Variants in PDE4D observed in about 807,000 individuals in gnomAD.
PDE4D encodes 3',5'-cyclic-AMP phosphodiesterase 4D.
A neutral mutation model predicts 87.4 loss-of-function variants in PDE4D; 24 were observed. That is an observed-to-expected ratio of 0.27 (90% CI 0.20 to 0.39). The LOEUF (loss-of-function observed/expected upper bound fraction) is 0.39. Among genes scored for constraint, PDE4D ranks in the 10% least tolerant of loss-of-function variants. The pLI is 1.00. For missense variants in PDE4D, 714 were observed against 1,041.0 expected, an observed-to-expected ratio of 0.69 and a Z score of 4.32; for synonymous variants, 384 against 383.2, an observed-to-expected ratio of 1.00 and a Z score of -0.02.
chr5:59,710,821 G>T (rs1434877704), intron 1 of PDE4D, among the ~76,000 whole-genome samples: 3 of 152,052 alleles, frequency 2.0e-5, no homozygotes, highest in African/African-American at 7.2e-5. Context: ...TAAAGAATAG[G>T]GTTAACCAAT....
intron 2 of PDE4D, among the ~76,000 whole-genome samples, chr5:60,133,695 A>G (rs1287017156): frequency 6.6e-6 from 1 of 152,198 alleles, no homozygotes; most frequent in Non-Finnish European, 1.5e-5. Context: ...GTTTCCATTA[A>G]CAGGTAGATC....
At chr5:59,768,653 C>T (rs1218079226) in intron 1 of PDE4D, 1 of 1,507,776 alleles carries the variant, frequency 6.6e-7, no homozygotes, top group Non-Finnish European at 8.8e-7. Context: ...TCTGTAGAGC[C>T]TGGGGCTGGG....
chr5:59,392,060 AT>A (rs370958033), intron 1 of PDE4D, among the ~76,000 whole-genome samples: 12 of 150,144 alleles, frequency 8.0e-5, no homozygotes, highest in East Asian at 1.9e-4. Context: ...TCACTGCTGT[AT>A]TTTTTTTTAC....
At chr5:59,273,550 C>T (rs1019462446) in intron 1 of PDE4D, among the ~76,000 whole-genome samples, 1 of 151,136 alleles carries the variant, frequency 6.6e-6, no homozygotes. Flanking sequence ...AGTGATATAC[C>T]CAAGCGGTTA....
intron 1 of PDE4D, among the ~76,000 whole-genome samples, chr5:60,481,176 T>C (rs955065450): frequency 5.9e-5 from 9 of 152,166 alleles, no homozygotes; most frequent in Admixed American, 2.0e-4. Context: ...GCTGAGTTTA[T>C]TATTGGCTTA....
At chr5:59,587,963 T>C (rs1315262749) in intron 1 of PDE4D, among the ~76,000 whole-genome samples, 1 of 151,976 alleles carries the variant, frequency 6.6e-6, no homozygotes, top group African/African-American at 2.4e-5. Flanking sequence ...AGAGATAATT[T>C]GCAAATGATA....
At chr5:59,144,167 T>C (rs901948777) in intron 5 of PDE4D, among the ~76,000 whole-genome samples, 1 of 152,224 alleles carries the variant, frequency 6.6e-6, no homozygotes, top group Non-Finnish European at 1.5e-5. Flanking sequence ...AAAAGAATTA[T>C]CTGTCCTTAA....
At position 58,971,460 on chromosome 5, in the gene PDE4D, T is replaced by C. The variant is rs993068775; in HGVS notation, c.*3204A>G. 2.0e-5 allele frequency: 3 copies of C among 152,582 alleles called. No homozygotes were observed. Among genetic ancestry groups the C allele is most frequent in the African/African-American group, 7.2e-5 (3 of 41,448 alleles). 9.5% of individuals were successfully genotyped at this position (152,582 alleles called of 1,614,324 possible). A position where few individuals can be genotyped will look rare whatever the true frequency, so the allele number is the denominator to read the frequency against. On this transcript the variant is annotated 3_prime_UTR_variant, in exon 15 of 15. Coordinates refer to ENST00000340635, the MANE Select transcript of PDE4D (RefSeq NM_001104631.2). ...TACAATTAACATTACAGTATGTACATTGCAATAAATACATGGTTGTAAACA... is the reference window on the plus strand; with the variant it reads ...TACAATTAACATTACAGTATGTACACTGCAATAAATACATGGTTGTAAACA...
At chr5:60,125,584 G>A (rs1037202575) in intron 2 of PDE4D, among the ~76,000 whole-genome samples, 2 of 151,990 alleles carry the variant, frequency 1.3e-5, no homozygotes, top group Non-Finnish European at 2.9e-5. Context: ...AGACCCAAGC[G>A]GGGAGACAAA....
rs116574847 is a variant in PDE4D, at chr5:59,564,494, A to G, written c.455+328674T>C. On this transcript the variant is annotated intron_variant, in intron 1 of 14. Coordinates refer to ENST00000340635, the MANE Select transcript of PDE4D (RefSeq NM_001104631.2). Reference sequence around the variant, plus strand: ...AATAATTTTGTCCAAACACGAGTGGAAGAAAAAATTAAGAGACACCCGGAT... The same window carrying G: ...AATAATTTTGTCCAAACACGAGTGGGAGAAAAAATTAAGAGACACCCGGAT... Among the ~76,000 whole-genome samples the G allele has an allele frequency of 8.5e-3, 1,292 of 152,296 alleles. 15 individuals are homozygous for G. The highest frequency in any genetic ancestry group is 0.043 in the East Asian group (221 of 5,178).
At chr5:59,116,180 T>A (rs1773580635) in intron 5 of PDE4D, among the ~76,000 whole-genome samples, 2 of 152,188 alleles carry the variant, frequency 1.3e-5, no homozygotes, top group Admixed American at 1.3e-4. Flanking sequence ...TGAACCACAT[T>A]ATAATGTTTT....
intron 1 of PDE4D, among the ~76,000 whole-genome samples, chr5:59,311,604 A>T (rs1772666457): frequency 6.6e-6 from 1 of 151,882 alleles, no homozygotes; most frequent in African/African-American, 2.4e-5. Flanking sequence ...GCAGATAGAT[A>T]ACGGTGTCTC....
At chr5:59,111,033 A>G (rs540229086) in intron 5 of PDE4D, among the ~76,000 whole-genome samples, 1 of 152,284 alleles carries the variant, frequency 6.6e-6, no homozygotes, top group South Asian at 2.1e-4. Flanking sequence ...GATTTGAACT[A>G]TGTCAAAAAG....
At chr5:60,459,362 C>G (rs1234801539) in intron 1 of PDE4D, among the ~76,000 whole-genome samples, 1 of 152,094 alleles carries the variant, frequency 6.6e-6, no homozygotes, top group East Asian at 1.9e-4. Context: ...CTTTGCTGAC[C>G]TTCTATAATC....
chr5:60,043,089 GAGA>G (rs146759836), intron 2 of PDE4D, among the ~76,000 whole-genome samples: 3,392 of 151,548 alleles, frequency 0.022, 52 homozygotes, highest in Admixed American at 0.042. Context: ...AATCAGTTTA[GAGA>G]AGAATATAAA....
At chr5:59,366,828 A>T (rs145391015) in intron 1 of PDE4D, among the ~76,000 whole-genome samples, 181 of 152,352 alleles carry the variant, frequency 1.2e-3, no homozygotes, top group African/African-American at 4.2e-3. Flanking sequence ...TGATGTGCCT[A>T]GTGTAAAAGT....
intron 2 of PDE4D, among the ~76,000 whole-genome samples, chr5:60,016,051 G>C (rs1582189396): frequency 6.7e-6 from 1 of 149,830 alleles, no homozygotes; most frequent in Non-Finnish European, 1.5e-5. Context: ...GTGTGTGTGT[G>C]TTTGTGTGTG....
chr5:59,831,895 G>A (rs1456108221), intron 1 of PDE4D, among the ~76,000 whole-genome samples: 4 of 152,046 alleles, frequency 2.6e-5, no homozygotes, highest in Non-Finnish European at 5.9e-5. Context: ...GAAAGCCTTT[G>A]ACTCAGCAAC....
intron 1 of PDE4D, among the ~76,000 whole-genome samples, chr5:59,799,562 G>T (rs899763509): frequency 2.0e-5 from 3 of 152,172 alleles, no homozygotes; most frequent in African/African-American, 7.2e-5. Context: ...GGCAGGAAAT[G>T]GTTATAAGTG....
Sources: allele counts gnomAD v4.1 joint callset (sites outside exome capture counted in the v4.1 genomes callset), GRCh38; gene constraint gnomAD v4.1.1; transcripts MANE v1.5; gene names NCBI Gene and HGNC (gene_info 2026-07-23, HGNC 2026-07-21).